CELF2: variants seen among roughly 807,000 people sequenced by gnomAD.
CELF2 encodes CUG triplet repeat RNA-binding protein 2.
Under a neutral mutation model 62.6 loss-of-function variants are expected in CELF2, and 8 were observed. The observed-to-expected ratio is 0.13, with a 90% confidence interval of 0.07 to 0.23. The LOEUF (loss-of-function observed/expected upper bound fraction) is 0.23, where lower values mean the gene tolerates loss of function less well. Ranked by LOEUF, CELF2 falls within the 10% of genes least tolerant of loss-of-function variation. The probability of loss-of-function intolerance (pLI) is 1.00; values close to 1 mark genes in which losing one functional copy is unlikely to be tolerated. For synonymous variants in CELF2, 258 were observed against 250.0 expected, an observed-to-expected ratio of 1.03 and a Z score of -0.30; for missense variants, 333 against 671.0, an observed-to-expected ratio of 0.50 and a Z score of 5.56.
the CELF2 span, among the ~76,000 whole-genome samples, chr10:10,633,668 T>C: frequency 6.6e-6 from 1 of 151,144 alleles, no homozygotes; most frequent in African/African-American, 2.4e-5. Context: ...TTGTATCACC[T>C]TAGAAAGACC....
At chr10:10,913,910 G>A (rs1178054746) in intron 1 of CELF2, among the ~76,000 whole-genome samples, 3 of 119,772 alleles carry the variant, frequency 2.5e-5, no homozygotes, top group Non-Finnish European at 3.8e-5. Context: ...AGGGAGGGAC[G>A]GACGGGGCAG....
At chr10:10,670,543 C>T in the CELF2 span, among the ~76,000 whole-genome samples, 1 of 152,210 alleles carries the variant, frequency 6.6e-6, no homozygotes, top group Non-Finnish European at 1.5e-5. Context: ...ACATTATCAG[C>T]ATCCCCAACC....
intron 2 of CELF2, among the ~76,000 whole-genome samples, chr10:11,213,124 C>T (rs968275587): frequency 6.6e-6 from 1 of 152,222 alleles, no homozygotes; most frequent in African/African-American, 2.4e-5. Flanking sequence ...TCTCACTCCA[C>T]TCCATGGACA....
rs1232947001 is a variant in CELF2 at position 11,197,015 on chromosome 10, A to G, written c.272-20410A>G. Among the ~76,000 whole-genome samples the G allele has an allele frequency of 4.0e-4, 5 of 12,504 alleles. 2 individuals are homozygous for G. Among genetic ancestry groups the G allele is most frequent in the South Asian group, 2.7e-3 (2 of 738 alleles). 8.2% of individuals were successfully genotyped at this position (12,504 alleles called of 152,430 possible). ...AAAGGAAGGAAGGAGAAAGAAAGAA[A>G]GAAAGAAAGAAAAGAAAGAAAGAAA... On this transcript the variant is annotated intron_variant, in intron 2 of 12. Transcript: ENST00000633077.
rs1002931774 is a variant in CELF2, at chr10:10,931,355, T to C, written c.89+11356T>C. 6.6e-6 allele frequency among the ~76,000 whole-genome samples: 1 copy of C among 152,088 alleles called. No homozygotes were observed. Among genetic ancestry groups the C allele is most frequent in the Non-Finnish European group, 1.5e-5 (1 of 68,028 alleles). ...TTCATCCTTAAACCTCTGCTTGTCATGCTGGCTGGGGGTGGGGGGTGTAAC... is the reference window on the plus strand; with the variant it reads ...TTCATCCTTAAACCTCTGCTTGTCACGCTGGCTGGGGGTGGGGGGTGTAAC... On this transcript the variant is annotated intron_variant, in intron 2 of 13. Transcript: ENST00000636488. This position sits in a 1 kb window ranked among gnomAD's most constrained non-coding sequence, Gnocchi z 6.1.
intron 1 of CELF2, among the ~76,000 whole-genome samples, chr10:11,114,509 T>C (rs1750738): frequency 0.23 from 35,067 of 152,098 alleles, 5,401 homozygotes; most frequent in East Asian, 0.73. Context: ...TTGCTAATGT[T>C]CTTACTTACA....
intron 1 of CELF2, chr10:10,917,975 G>A (rs558087135): frequency 6.6e-6 from 1 of 152,202 alleles, no homozygotes; most frequent in South Asian, 2.1e-4. Context: ...AAAATAAAAA[G>A]TTAAAAGATT....
intron 1 of CELF2, among the ~76,000 whole-genome samples, chr10:10,808,459 G>A (rs1240994116): frequency 6.6e-6 from 1 of 152,068 alleles, no homozygotes; most frequent in African/African-American, 2.4e-5. Flanking sequence ...AGGCCCTTGG[G>A]AAATCTCAAA....
chr10:10,967,660 CG>C (rs2050275572), intron 2 of CELF2, among the ~76,000 whole-genome samples: 1 of 152,154 alleles, frequency 6.6e-6, no homozygotes, highest in African/African-American at 2.4e-5. Context: ...GGAGGGGCCT[CG>C]GGCTGAACGG....
chr10:11,233,698 C>T (rs1055448893), intron 3 of CELF2, among the ~76,000 whole-genome samples: 25 of 152,220 alleles, frequency 1.6e-4, no homozygotes, highest in African/African-American at 5.5e-4. Context: ...CCTACATACA[C>T]TTCACCTTTC....
the CELF2 span, among the ~76,000 whole-genome samples, chr10:10,750,358 G>C: frequency 6.6e-6 from 1 of 152,028 alleles, no homozygotes; most frequent in African/African-American, 2.4e-5. Context: ...ATTTTTTATA[G>C]TTAGTGTAGT....
chr10:10,655,404 G>A, the CELF2 span, among the ~76,000 whole-genome samples: 38 of 123,258 alleles, frequency 3.1e-4, no homozygotes, highest in African/African-American at 9.7e-4. Flanking sequence ...AAAAGATCCC[G>A]CATCGCCAAG....
chr10:11,293,073 C>A (rs1234832835), intron 9 of CELF2, among the ~76,000 whole-genome samples: 1 of 152,180 alleles, frequency 6.6e-6, no homozygotes, highest in Non-Finnish European at 1.5e-5. Flanking sequence ...ACCACCTCCG[C>A]CCTTCCATCC....
the CELF2 span, among the ~76,000 whole-genome samples, chr10:10,736,738 A>T: frequency 6.6e-6 from 1 of 152,086 alleles, no homozygotes; most frequent in Non-Finnish European, 1.5e-5. Flanking sequence ...TGTGTTGATC[A>T]TCAATTTTGC....
chr10:11,080,316 T>C (rs2073653092), intron 1 of CELF2, among the ~76,000 whole-genome samples: 1 of 141,294 alleles, frequency 7.1e-6, no homozygotes, highest in African/African-American at 2.8e-5. Context: ...TTTACAGTCA[T>C]GAATGGATAA....
chr10:10,756,897 A>C, the CELF2 span, among the ~76,000 whole-genome samples: 1 of 152,232 alleles, frequency 6.6e-6, no homozygotes, highest in Non-Finnish European at 1.5e-5. Context: ...TAATCTCAGC[A>C]CTTTGGGAGG....
intron 1 of CELF2, among the ~76,000 whole-genome samples, chr10:11,033,542 C>T (rs2060479286): frequency 1.3e-5 from 2 of 152,234 alleles, no homozygotes; most frequent in Admixed American, 1.3e-4. Flanking sequence ...CAGGCGTAAG[C>T]CACCATGCCT....
intron 1 of CELF2, among the ~76,000 whole-genome samples, chr10:10,817,248 T>C (rs532064438): frequency 6.6e-6 from 1 of 152,202 alleles, no homozygotes; most frequent in Non-Finnish European, 1.5e-5. Context: ...ATGAGGTACA[T>C]GAGATGTTTT....
At chr10:10,858,081 C>A (rs1336360366) in intron 1 of CELF2, among the ~76,000 whole-genome samples, 1 of 152,006 alleles carries the variant, frequency 6.6e-6, no homozygotes, top group East Asian at 1.9e-4. Context: ...AAGCAGTGGG[C>A]TAAATTTTAG....
Sources: allele counts gnomAD v4.1 joint callset (sites outside exome capture counted in the v4.1 genomes callset), GRCh38; gene constraint gnomAD v4.1.1; non-coding constraint Gnocchi (gnomAD v3.1); transcripts MANE v1.5; gene names NCBI Gene and HGNC (gene_info 2026-07-23, HGNC 2026-07-21).